The following THSD4 variants were observed in gnomAD, a reference collection of about 807,000 sequenced individuals.
THSD4 encodes the protein thrombospondin type-1 domain-containing protein 4.
In THSD4, 69 loss-of-function variants were observed where a neutral mutation model predicts 119.0. The observed-to-expected ratio is 0.58, with a 90% CI of 0.48 to 0.71. The LOEUF (loss-of-function observed/expected upper bound fraction) is 0.71. THSD4 is among the 30% of genes least tolerant of loss of function. The pLI is 0.00. For missense variants in THSD4, 1,393 were observed against 1,391.1 expected (o/e 1.00, Z -0.02); for synonymous variants, 524 against 540.4 (o/e 0.97, Z 0.42).
intron 8 of THSD4, among the ~76,000 whole-genome samples, chr15:71,682,272 A>G (rs896986326): frequency 5.3e-5 from 8 of 152,256 alleles, no homozygotes; most frequent in African/African-American, 1.9e-4. Flanking sequence ...TATTTGTTGG[A>G]TAAGCTTTTT....
Position 71,251,017 on chromosome 15 carries a change from A to G in THSD4, c.913-5596A>G, listed in dbSNP as rs971746240. ...GAAAAACATCCAAAGCCTTTCCCCAACTCTTTGGACAAACTAGTTAATTCA... is the reference window on the plus strand; with the variant it reads ...GAAAAACATCCAAAGCCTTTCCCCAGCTCTTTGGACAAACTAGTTAATTCA... On this transcript the variant is annotated intron_variant, in intron 5 of 17. Coordinates refer to ENST00000261862, the MANE Select transcript of THSD4 (RefSeq NM_024817.3). 3.3e-5 allele frequency among the ~76,000 whole-genome samples: 5 copies of G among 152,258 alleles called. No individual in the cohort carries two copies. The Middle Eastern group carries it at 0.01, about 311-fold the overall frequency.
chr15:71,269,487 A>C (rs1272968333), intron 6 of THSD4, among the ~76,000 whole-genome samples: 1 of 152,214 alleles, frequency 6.6e-6, no homozygotes, highest in Non-Finnish European at 1.5e-5. Context: ...ACCCATAGCC[A>C]ATGTCATACT....
chr15:71,692,067 T>C (rs2052064294), intron 8 of THSD4, among the ~76,000 whole-genome samples: 1 of 152,210 alleles, frequency 6.6e-6, no homozygotes, highest in Admixed American at 6.5e-5. Context: ...GTGTGTTCTC[T>C]ATCCAAATGA....
chr15:71,708,955 G>A (rs562225513), intron 8 of THSD4, among the ~76,000 whole-genome samples: 2 of 152,336 alleles, frequency 1.3e-5, no homozygotes, highest in East Asian at 1.9e-4. Context: ...ACGAAGCAGC[G>A]CTAAGCCGAG....
chr15:71,104,615 C>A (rs1567127049), intron 1 of THSD4, among the ~76,000 whole-genome samples: 1 of 151,718 alleles, frequency 6.6e-6, no homozygotes, highest in African/African-American at 2.4e-5. Context: ...GTGTCTGTGG[C>A]AGTCAGATTA....
At chr15:71,170,831 C>T (rs966805800) in intron 3 of THSD4, among the ~76,000 whole-genome samples, 1 of 151,872 alleles carries the variant, frequency 6.6e-6, no homozygotes, top group Non-Finnish European at 1.5e-5. Flanking sequence ...TAAGTAGAGG[C>T]ATGGAAGATA....
intron 6 of THSD4, among the ~76,000 whole-genome samples, chr15:71,265,256 G>C (rs1255938670): frequency 1.3e-5 from 2 of 152,098 alleles, no homozygotes. Flanking sequence ...GAGGTACCCA[G>C]CTTATCACAC....
intron 3 of THSD4, among the ~76,000 whole-genome samples, chr15:71,180,609 A>T (rs374657783): frequency 6.6e-6 from 1 of 152,216 alleles, no homozygotes; most frequent in African/African-American, 2.4e-5. Context: ...TGAACTACTG[A>T]TATAAGCAAC....
intron 2 of THSD4, 62 bp from the exon 3 acceptor site, chr15:71,154,801 C>G: frequency 6.5e-7 from 1 of 1,549,812 alleles, no homozygotes; most frequent in East Asian, 2.2e-5. Context: ...ATGCTGCCTT[C>G]CCTGGGTGCT....
At chr15:71,395,992 C>A (rs539275519) in intron 6 of THSD4, among the ~76,000 whole-genome samples, 1 of 149,526 alleles carries the variant, frequency 6.7e-6, no homozygotes, top group Admixed American at 6.7e-5. Flanking sequence ...GTTGTTCAGG[C>A]GTCGGGATTC....
chr15:71,477,288 C>T (rs1013667442), intron 7 of THSD4, among the ~76,000 whole-genome samples: 7 of 152,150 alleles, frequency 4.6e-5, no homozygotes, highest in African/African-American at 1.7e-4. Context: ...CAAATGAGAA[C>T]ATAAACAGAC....
At chr15:71,628,479 A>G (rs1408880736) in intron 7 of THSD4, among the ~76,000 whole-genome samples, 1 of 152,192 alleles carries the variant, frequency 6.6e-6, no homozygotes, top group Non-Finnish European at 1.5e-5. Context: ...ATTTGAAGCA[A>G]GGTGCACCAG....
intron 6 of THSD4, among the ~76,000 whole-genome samples, chr15:71,408,490 C>T (rs748620074): frequency 2.6e-5 from 4 of 152,120 alleles, no homozygotes; most frequent in African/African-American, 7.2e-5. Context: ...GCTTCAGCCT[C>T]CAATAGTGTT....
chr15:71,691,211 G>A (rs913778036), intron 8 of THSD4, among the ~76,000 whole-genome samples: 1 of 152,206 alleles, frequency 6.6e-6, no homozygotes, highest in African/African-American at 2.4e-5. Flanking sequence ...CTTCCGTAAA[G>A]GAACACAGCC....
At chr15:71,332,435 T>G (rs1785227204) in intron 6 of THSD4, among the ~76,000 whole-genome samples, 1 of 152,210 alleles carries the variant, frequency 6.6e-6, no homozygotes. Context: ...TGTATATTCT[T>G]GGCTGTAAAA....
At chr15:71,333,663 G>A (rs2045455632) in intron 6 of THSD4, among the ~76,000 whole-genome samples, 1 of 152,056 alleles carries the variant, frequency 6.6e-6, no homozygotes, top group Admixed American at 6.5e-5. Context: ...CCAGACTGAG[G>A]GTACAAATGG....
intron 7 of THSD4, among the ~76,000 whole-genome samples, chr15:71,415,637 T>C (rs1221167157): frequency 6.6e-6 from 1 of 152,210 alleles, no homozygotes; most frequent in Admixed American, 6.5e-5. Flanking sequence ...ATTTATTCTT[T>C]CTATTTTTTT....
At chr15:71,703,943 G>T (rs750361297) in intron 8 of THSD4, among the ~76,000 whole-genome samples, 1 of 152,102 alleles carries the variant, frequency 6.6e-6, no homozygotes, top group Non-Finnish European at 1.5e-5. Context: ...TCTGCCTCCC[G>T]GGTTCACGCC....
intron 7 of THSD4, among the ~76,000 whole-genome samples, chr15:71,478,580 T>A (rs1188188221): frequency 1.3e-5 from 2 of 152,154 alleles, no homozygotes; most frequent in Admixed American, 1.3e-4. Flanking sequence ...TGCAGCATTG[T>A]GAAGAGAGAT....
Sources: allele counts gnomAD v4.1 joint callset (sites outside exome capture counted in the v4.1 genomes callset), GRCh38; gene constraint gnomAD v4.1.1; transcripts MANE v1.5; gene names NCBI Gene and HGNC (gene_info 2026-07-23, HGNC 2026-07-21).